The following RC3H2 variants were observed in gnomAD, a reference collection of about 807,000 sequenced individuals.
RC3H2 encodes roquin-2.
Under a neutral mutation model 133.3 loss-of-function variants are expected in RC3H2, and 31 were observed. The ratio of observed to expected loss-of-function variants is 0.23; its 90% CI spans 0.17 to 0.31. RC3H2 has a LOEUF of 0.31. Among genes scored for constraint, RC3H2 ranks in the 10% least tolerant of loss-of-function variants. The pLI is 1.00. For missense variants in RC3H2, 1,175 were observed against 1,437.2 expected (o/e 0.82, Z 2.95); for synonymous variants, 517 against 502.2 (o/e 1.03, Z -0.40).
chr9:122,890,051 A>G, intron 4 of RC3H2: 1 of 590,514 alleles, frequency 1.7e-6, no homozygotes, highest in South Asian at 2.2e-5. Flanking sequence ...CTGAGTCAGG[A>G]GAATTGCTTG....
At chr9:122,891,804 A>G (rs1032207764) in intron 3 of RC3H2, among the ~76,000 whole-genome samples, 1 of 152,234 alleles carries the variant, frequency 6.6e-6, no homozygotes, top group African/African-American at 2.4e-5. Flanking sequence ...AATATATTCA[A>G]TCATTCAACA....
intron 20 of RC3H2, among the ~76,000 whole-genome samples, chr9:122,850,462 T>C (rs183226524): frequency 2.1e-5 from 2 of 96,016 alleles, no homozygotes; most frequent in Admixed American, 2.4e-4. Flanking sequence ...ATAGATAATT[T>C]TGAGATGGAG....
intron 9 of RC3H2, among the ~76,000 whole-genome samples, chr9:122,871,545 G>C (rs150684265): frequency 0.016 from 2,417 of 150,486 alleles, 35 homozygotes; most frequent in South Asian, 0.065. Context: ...GGATAGTCCC[G>C]ATCTCCTGAC....
rs1164726792 is a variant in RC3H2, at chr9:122,857,953, A to T, written c.2424T>A (p.Ser808=). The part of the protein sequence containing the change: ...PVATQSPTPP[S]PLFSVDFRAD... ...CACGAAAGTCTACACTGAACAGAGG[A>T]GAAGGTGGTGTTGGTGACTGTGTTG... Residue 808 remains serine (S), a synonymous_variant, in exon 13 of 21, where the codon TCT becomes TCA. Transcript: ENST00000357244. 1.2e-6 allele frequency: 2 copies of T among 1,614,070 alleles called. No individual in the cohort carries two copies. The highest frequency in any genetic ancestry group is 1.7e-6 in the Non-Finnish European group (2 of 1,179,996).
chr9:122,894,349 A>G (rs777549417), intron 2 of RC3H2, among the ~76,000 whole-genome samples: 3 of 152,208 alleles, frequency 2.0e-5, no homozygotes, highest in East Asian at 3.8e-4. Context: ...TACCAGGGAT[A>G]TATCAATGAG....
At position 122,850,933 on chromosome 9, in the gene RC3H2, T is replaced by C. The variant is rs995301358; in HGVS notation, c.3380+148A>G. 9.1e-6 allele frequency: 8 copies of C among 874,318 alleles called. No individual in the cohort carries two copies. The Admixed American group carries it at 1.9e-4, about 21-fold the overall frequency. 54.2% of individuals were successfully genotyped at this position (874,318 alleles called of 1,614,324 possible). A position where few individuals can be genotyped will look rare whatever the true frequency, so the allele number is the denominator to read the frequency against. ...GACTGCTTTGTTAGTTCAATTTTAC[T>C]TTTTCTTCCCTAAAAATCCAGATTG... On this transcript the variant is annotated intron_variant, in intron 20 of 20. Coordinates refer to ENST00000357244, the MANE Select transcript of RC3H2 (RefSeq NM_001100588.3).
chr9:122,893,433 G>A (rs762577884), intron 2 of RC3H2, among the ~76,000 whole-genome samples: 4 of 152,222 alleles, frequency 2.6e-5, no homozygotes, highest in African/African-American at 7.2e-5. Context: ...GGCTGAGGTT[G>A]CAGTGAGCTG....
At chr9:122,872,399 A>G (rs551969124) in intron 9 of RC3H2, among the ~76,000 whole-genome samples, 1 of 152,242 alleles carries the variant, frequency 6.6e-6, no homozygotes, top group African/African-American at 2.4e-5. Context: ...CCATCCATGC[A>G]GACACCAGAG....
chr9:122,861,585 G>GT (rs1328056623), intron 10 of RC3H2, among the ~76,000 whole-genome samples: 1 of 151,678 alleles, frequency 6.6e-6, no homozygotes, highest in East Asian at 1.9e-4. Flanking sequence ...TTTGCTGATT[G>GT]TATTTGCTTG....
intron 2 of RC3H2, among the ~76,000 whole-genome samples, chr9:122,894,892 A>C (rs186822431): frequency 1.1e-4 from 17 of 152,306 alleles, no homozygotes; most frequent in African/African-American, 4.1e-4. Flanking sequence ...CAACAACAAC[A>C]AAAAAGAAAA....
intron 2 of RC3H2, among the ~76,000 whole-genome samples, chr9:122,894,380 G>A (rs1052415347): frequency 1.1e-4 from 16 of 152,098 alleles, no homozygotes; most frequent in Non-Finnish European, 2.1e-4. Flanking sequence ...AAAATGTTTT[G>A]CCTTTGTGGA....
In RC3H2 at chr9:122,858,866, C is replaced by T. The variant is rs72753236; in HGVS notation, c.2086G>A (p.Asp696Asn). 28 of 1,614,250 alleles carry T rather than the reference C, an allele frequency of 1.7e-5. No homozygotes were observed. Among genetic ancestry groups the T allele is most frequent in the Non-Finnish European group, 2.2e-5 (26 of 1,180,044 alleles). ...VPSGMYAPVY[D>N]SRRIWRPPMY... is the part of the protein sequence containing the mutation. ...GGTGGGCGCCAGATGCGCCTGCTGT[C>T]GTACACAGGAGCATACATTCCAGAA... The change falls in exon 12 of 21, where the codon GAC (aspartate) becomes AAC (asparagine). Residue 696 changes from aspartate to asparagine, a missense_variant. Physicochemically the swap from Asp to Asn is conservative, Grantham distance 23. Around this residue, in one of 8 missense-constraint regions of RC3H2, gnomAD observed 490 missense variants for 492.8 expected, o/e 0.99. Transcript: ENST00000357244.
chr9:122,852,226 G>A (rs1830055802), intron 18 of RC3H2, among the ~76,000 whole-genome samples: 1 of 150,508 alleles, frequency 6.6e-6, no homozygotes, highest in Admixed American at 6.6e-5. Flanking sequence ...CTGCCCGGCC[G>A]CCCCGTCTGA....
intron 2 of RC3H2, among the ~76,000 whole-genome samples, chr9:122,893,448 C>T (rs764817843): frequency 5.9e-5 from 9 of 152,098 alleles, no homozygotes; most frequent in Non-Finnish European, 8.8e-5. Flanking sequence ...GAGCTGAGAT[C>T]GCACCAGTGC....
At chr9:122,872,570 A>G (rs959779068) in intron 9 of RC3H2, among the ~76,000 whole-genome samples, 1 of 152,164 alleles carries the variant, frequency 6.6e-6, no homozygotes, top group Non-Finnish European at 1.5e-5. Context: ...AACATCTTGA[A>G]TAGTAACCAG....
In RC3H2 at chr9:122,849,597, T is replaced by C; in HGVS notation, c.*30A>G. 7.5e-6 allele frequency: 11 copies of C among 1,457,248 alleles called. No homozygotes were observed. The highest frequency in any genetic ancestry group is 9.6e-6 in the Non-Finnish European group (10 of 1,045,172). 90.3% of individuals were successfully genotyped at this position (1,457,248 alleles called of 1,614,324 possible). A position where few individuals can be genotyped will look rare whatever the true frequency, so the allele number is the denominator to read the frequency against. On this transcript the variant is annotated 3_prime_UTR_variant, in exon 21 of 21. Transcript: ENST00000357244. ...AGCTAGTGTAAATGCTTCCATGGTG[T>C]GGTCACAAATTTGAAAGATGAACCT... is the stretch of plus-strand genomic sequence containing the variant.
chr9:122,890,197 A>G, intron 4 of RC3H2, 115 bp downstream of exon 4: 1 of 752,252 alleles, frequency 1.3e-6, no homozygotes, highest in East Asian at 2.7e-5. Flanking sequence ...CTTTAATTAT[A>G]TCAAGATTTG....
At chr9:122,882,258 AT>A (rs1831678853) in intron 5 of RC3H2, among the ~76,000 whole-genome samples, 1 of 152,234 alleles carries the variant, frequency 6.6e-6, no homozygotes, top group South Asian at 2.1e-4. Context: ...ATTAATTTCA[AT>A]TGTTGCCCTA....
At chr9:122,869,283 T>C (rs1349682824) in intron 9 of RC3H2, among the ~76,000 whole-genome samples, 1 of 152,130 alleles carries the variant, frequency 6.6e-6, no homozygotes, top group Middle Eastern at 3.2e-3. Context: ...GTCATAATTA[T>C]ATATGCCTAA....
Sources: allele counts gnomAD v4.1 joint callset (sites outside exome capture counted in the v4.1 genomes callset), GRCh38; gene constraint gnomAD v4.1.1; regional missense constraint gnomAD v4.1.1; transcripts MANE v1.5; gene names NCBI Gene and HGNC (gene_info 2026-07-23, HGNC 2026-07-21).